Variants in CEP128 observed in about 807,000 individuals in gnomAD.
CEP128 encodes the protein centrosomal protein 128kDa.
A neutral mutation model predicts 156.7 loss-of-function variants in CEP128; 132 were observed. That is an observed-to-expected ratio of 0.84 (90% CI 0.73 to 0.97). CEP128 has a LOEUF of 0.97. Ranked by LOEUF, CEP128 falls within the 50% of genes least tolerant of loss-of-function variation. CEP128 has a pLI of 0.00. For missense variants in CEP128, 1,252 were observed against 1,281.9 expected, an observed-to-expected ratio of 0.98 and a Z score of 0.36; for synonymous variants, 469 against 448.9, an observed-to-expected ratio of 1.04 and a Z score of -0.57.
rs776311890 is a variant in CEP128, at chr14:80,777,963, T to C, written c.2295A>G (p.Thr765=). Residue 765 remains threonine, a synonymous_variant, in exon 16 of 25, where the codon ACA becomes ACG. Coordinates refer to ENST00000555265, the MANE Select transcript of CEP128 (RefSeq NM_152446.5). ...CATTTTCATTCTGGGTTAATTCCTC[T>C]GTCAGTCTGTCACACTGTGATTTCA... is the stretch of plus-strand genomic sequence containing the variant. ...EKLKSQCDRL[T]EELTQNENEN... 6 of 1,613,006 alleles carry C rather than the reference T, an allele frequency of 3.7e-6. No homozygotes were observed. The South Asian group carries it at 4.4e-5, about 12-fold the overall frequency.
At chr14:80,503,606 C>T (rs1887836762) in intron 24 of CEP128, among the ~76,000 whole-genome samples, 2 of 152,160 alleles carry the variant, frequency 1.3e-5, no homozygotes, top group Admixed American at 1.3e-4. Context: ...AATTGGGACA[C>T]TGTGATGTTT....
intron 20 of CEP128, among the ~76,000 whole-genome samples, chr14:80,573,948 GA>G (rs1167963756): frequency 1.3e-5 from 2 of 152,112 alleles, no homozygotes; most frequent in Admixed American, 1.3e-4. Context: ...TCACATTTCA[GA>G]AGAAGACATA....
At chr14:80,917,189 T>C (rs1466730583) in intron 2 of CEP128, among the ~76,000 whole-genome samples, 1 of 152,168 alleles carries the variant, frequency 6.6e-6, no homozygotes, top group East Asian at 1.9e-4. Context: ...ACATCCTAAG[T>C]ATATGCATCA....
chr14:80,727,805 C>T (rs904911552), intron 19 of CEP128, among the ~76,000 whole-genome samples: 1 of 151,966 alleles, frequency 6.6e-6, no homozygotes, highest in South Asian at 2.1e-4. Context: ...AAATCAAAAC[C>T]ACAATTAGAT....
At chr14:80,563,998 GCT>G (rs1364187347) in intron 20 of CEP128, among the ~76,000 whole-genome samples, 1 of 152,086 alleles carries the variant, frequency 6.6e-6, no homozygotes, top group East Asian at 1.9e-4. Flanking sequence ...ATAACTAAGG[GCT>G]CTTATAGGGC....
At chr14:80,942,326 T>G (rs1183714323), upstream of CEP128, 1 of 152,236 alleles carries the variant, frequency 6.6e-6, no homozygotes, top group East Asian at 1.9e-4. Flanking sequence ...AAAGTAGATG[T>G]GAGGCTGTCA....
chr14:80,785,342 G>T lies in CEP128; in HGVS notation c.1764C>A (p.Ile588=), dbSNP rs115939302. ...TTTTCAATTCGCTCTCCAGTCTATG[G>T]ATGGTATCCAGGGAATTCTTAACTT... is the stretch of plus-strand genomic sequence containing the variant. The part of the protein sequence containing the change: ...ELEVKNSLDT[I]HRLESELKKQ... Residue 588 remains isoleucine (I), a synonymous_variant, in exon 15 of 25, where the codon ATC becomes ATA. Transcript: ENST00000555265. The T allele has an allele frequency of 3.0e-4, 492 of 1,614,122 alleles. 3 individuals are homozygous for T. The African/African-American group carries it at 5.5e-3, about 18-fold the overall frequency.
At chr14:80,723,480 G>C (rs555455086) in intron 19 of CEP128, among the ~76,000 whole-genome samples, 15 of 152,320 alleles carry the variant, frequency 9.8e-5, no homozygotes, top group Non-Finnish European at 1.6e-4. Flanking sequence ...AAAAATAACA[G>C]TGTAGTACCC....
chr14:80,633,620 A>C (rs1894057059), intron 19 of CEP128, among the ~76,000 whole-genome samples: 1 of 152,122 alleles, frequency 6.6e-6, no homozygotes. Flanking sequence ...TTGCATCCCT[A>C]TTCCCACACC....
At chr14:80,747,314 C>G (rs1043463550) in intron 18 of CEP128, among the ~76,000 whole-genome samples, 3 of 152,010 alleles carry the variant, frequency 2.0e-5, no homozygotes, top group African/African-American at 7.3e-5. Flanking sequence ...TAATAACAGC[C>G]AAAAAACTGA....
chr14:80,552,667 A>T (rs767456202), intron 21 of CEP128, among the ~76,000 whole-genome samples: 4 of 152,200 alleles, frequency 2.6e-5, no homozygotes, highest in Admixed American at 2.6e-4. Context: ...CTGATTGCTG[A>T]TGAAAAATGT....
chr14:80,735,202 G>A (rs142285586), intron 19 of CEP128, among the ~76,000 whole-genome samples: 447 of 152,030 alleles, frequency 2.9e-3, no homozygotes, highest in South Asian at 0.011. Context: ...CAAAATAAAA[G>A]GATAAAATTT....
intron 13 of CEP128, among the ~76,000 whole-genome samples, chr14:80,816,269 T>G (rs561010618): frequency 2.0e-4 from 28 of 141,304 alleles, no homozygotes; most frequent in Non-Finnish European, 3.4e-4. Context: ...CACAGTTTCC[T>G]CTCACCCTTG....
At chr14:80,693,995 T>C (rs1175722810) in intron 19 of CEP128, among the ~76,000 whole-genome samples, 1 of 152,208 alleles carries the variant, frequency 6.6e-6, no homozygotes, top group African/African-American at 2.4e-5. Flanking sequence ...AGTTCCATGT[T>C]TTCCGTCAAA....
chr14:80,559,149 T>A (rs1890562498), intron 21 of CEP128, 130 bp downstream of exon 21: 8 of 802,924 alleles, frequency 1.0e-5, no homozygotes, highest in Non-Finnish European at 1.6e-5. Flanking sequence ...TTAGCTTGTT[T>A]TCCCCTTTGA....
In CEP128 at chr14:80,580,549, T is replaced by C. The variant is rs948493683; in HGVS notation, c.2807-126A>G. The stretch of plus-strand genomic sequence containing the variant: ...CTGAGAAGAGAATTTAATGTTTAAG[T>C]GTGAGAAGCCATGTAAAAGAAACAC... On this transcript the variant is annotated intron_variant, in intron 19 of 24. Coordinates refer to ENST00000555265, the MANE Select transcript of CEP128 (RefSeq NM_152446.5). 3 of 606,768 alleles carry C rather than the reference T, an allele frequency of 4.9e-6. No homozygotes were observed. The African/African-American group carries it at 5.5e-5, about 11-fold the overall frequency. 37.6% of individuals were successfully genotyped at this position (606,768 alleles called of 1,614,324 possible).
chr14:80,501,338 C>T (rs182867991), intron 24 of CEP128, among the ~76,000 whole-genome samples: 2 of 151,866 alleles, frequency 1.3e-5, no homozygotes, highest in African/African-American at 2.4e-5. Flanking sequence ...TCTTTATCTA[C>T]GAATGAAGGA....
chr14:80,601,096 G>A (rs1432716455), intron 19 of CEP128, among the ~76,000 whole-genome samples: 2 of 151,890 alleles, frequency 1.3e-5, no homozygotes, highest in Non-Finnish European at 1.5e-5. Flanking sequence ...ATACTATGCT[G>A]GGAAATCTCT....
At chr14:80,718,588 C>T (rs1417375319) in intron 19 of CEP128, among the ~76,000 whole-genome samples, 1 of 152,154 alleles carries the variant, frequency 6.6e-6, no homozygotes, top group Non-Finnish European at 1.5e-5. Context: ...AGGAGTGGAG[C>T]CACCATTTCC....
Sources: gnomAD v4.1 joint callset for allele counts (sites outside exome capture counted in the v4.1 genomes callset) on GRCh38, gnomAD v4.1.1 for gene constraint, MANE v1.5 for transcripts, NCBI Gene and HGNC (gene_info 2026-07-23, HGNC 2026-07-21) for gene names.